OR51A7: variants seen among roughly 807,000 people sequenced by gnomAD.
OR51A7 encodes olfactory receptor 51A7.
For synonymous variants in OR51A7, 143 were observed against 135.5 expected, an observed-to-expected ratio of 1.05 and a Z score of -0.38; for missense variants, 409 against 374.5, an observed-to-expected ratio of 1.09 and a Z score of -0.76.
rs1228033147 is a variant in OR51A7, at chr11:4,907,820, A to G, written c.451A>G (p.Arg151Gly). The change falls in exon 2 of 2, where the codon AGG becomes GGG. Residue 151 changes from arginine to glycine, a missense_variant. Arg to Gly is a moderately radical substitution (Grantham distance 125). Transcript: ENST00000641490. ...TAAAATGGGACTTATTTTAGCCATT[A>G]GGAGCATTCTCTTAGTGATTCCATT... ...VAKMGLILAI[R>G]SILLVIPFPF... is the part of the protein sequence containing the mutation. The G allele has an allele frequency of 1.2e-6, 2 of 1,613,856 alleles. No individual in the cohort carries two copies. Among genetic ancestry groups the G allele is most frequent in the Admixed American group, 3.3e-5 (2 of 60,018 alleles).
In OR51A7 at chr11:4,907,430, G is replaced by T; in HGVS notation, c.61G>T (p.Glu21Ter). ...LFLLIGIPGLEHAHIWFSIPI... is the reference protein window; with the variant it reads ...LFLLIGIPGL ...CCTTCTGATTGGGATCCCAGGACTG[G>T]AACATGCCCACATTTGGTTCTCCAT... The change falls in exon 2 of 2, where the codon GAA becomes TAA. Residue 21 changes from glutamate (E) to a stop codon, truncating the protein, a stop_gained. Transcript: ENST00000641490. LOFTEE classifies it low-confidence loss of function (END_TRUNC). 3.7e-6 allele frequency: 6 copies of T among 1,613,862 alleles called. No homozygotes were observed. Among genetic ancestry groups the T allele is most frequent in the Non-Finnish European group, 5.1e-6 (6 of 1,179,978 alleles).
chr11:4,906,824 C>G (rs1188661454), intron 1 of OR51A7, among the ~76,000 whole-genome samples: 1 of 152,116 alleles, frequency 6.6e-6, no homozygotes, highest in African/African-American at 2.4e-5. Flanking sequence ...GATGCAGTGG[C>G]TCACACCTGT....
At position 4,908,334 on chromosome 11, in the gene OR51A7, T is replaced by C; in HGVS notation, c.*26T>C. ...GAACTTGAACAATTAGGTAATAAAT[T>C]ATCAACCAGTAGGCATTTACTGTCA... On this transcript the variant is annotated 3_prime_UTR_variant, in exon 2 of 2. Transcript: ENST00000641490. 1 of 1,580,138 alleles carries C rather than the reference T, an allele frequency of 6.3e-7. No homozygotes were observed. The highest frequency in any genetic ancestry group is 8.7e-7 in the Non-Finnish European group (1 of 1,149,964).
At position 4,907,421 on chromosome 11, in the gene OR51A7, C is replaced by G. The variant is rs1833628952; in HGVS notation, c.52C>G (p.Pro18Ala). ...CAAGCTTTTCCTTCTGATTGGGATC[C>G]CAGGACTGGAACATGCCCACATTTG... is the stretch of plus-strand genomic sequence containing the variant. Reference protein sequence around the residue: ...EVKLFLLIGIPGLEHAHIWFS... With the variant: ...EVKLFLLIGIAGLEHAHIWFS... The change falls in exon 2 of 2, where the codon CCA becomes GCA. Residue 18 changes from proline to alanine, a missense_variant. Transcript: ENST00000641490. 6.2e-7 allele frequency: 1 copy of G among 1,613,778 alleles called. No homozygotes were observed. The highest frequency in any genetic ancestry group is 8.5e-7 in the Non-Finnish European group (1 of 1,179,962).
chr11:4,908,079 TA>T lies in OR51A7; in HGVS notation c.713del (p.Asn238IlefsTer35). The T allele has an allele frequency of 6.2e-7, 1 of 1,614,246 alleles. No individual in the cohort carries two copies. The highest frequency in any genetic ancestry group is 8.5e-7 in the Non-Finnish European group (1 of 1,180,034). ...TCTTTGGCAGAGAGGCTTAAGGCCCTAAATACCTGTGTCTCCCACATCTGTG... is the reference window on the plus strand; with the variant it reads ...TCTTTGGCAGAGAGGCTTAAGGCCCTAATACCTGTGTCTCCCACATCTGTG... ...IASLAERLKA[L>X]NTCVSHICAV... On this transcript the variant is annotated frameshift_variant, in exon 2 of 2. Transcript: ENST00000641490. LOFTEE classifies it low-confidence loss of function (END_TRUNC).
At chr11:4,905,356 T>C (rs1850867499) in intron 1 of OR51A7, among the ~76,000 whole-genome samples, 1 of 152,140 alleles carries the variant, frequency 6.6e-6, no homozygotes, top group Non-Finnish European at 1.5e-5. Flanking sequence ...TGCCAAAATG[T>C]CTCTTAGTAC....
Position 4,908,674 on chromosome 11 carries a change from C to G in OR51A7, c.*366C>G, listed in dbSNP as rs776605539. Reference sequence around the variant, plus strand: ...TATACAAAGTCTAATCTCATACTGTCAAGGAAAGGTAAAATAGCTATGAAG... The same window carrying G: ...TATACAAAGTCTAATCTCATACTGTGAAGGAAAGGTAAAATAGCTATGAAG... On this transcript the variant is annotated 3_prime_UTR_variant, in exon 2 of 2. Coordinates refer to ENST00000641490, the MANE Select transcript of OR51A7 (RefSeq NM_001004749.2). 39 of 289,380 alleles carry G rather than the reference C, an allele frequency of 1.3e-4. No individual in the cohort carries two copies. The highest frequency in any genetic ancestry group is 2.4e-4 in the Non-Finnish European group (36 of 151,054). The allele number at this position is 289,380 out of a possible 1,614,324, so 17.9% of individuals were successfully genotyped here. A position where few individuals can be genotyped will look rare whatever the true frequency, so the allele number is the denominator to read the frequency against.
intron 1 of OR51A7, among the ~76,000 whole-genome samples, chr11:4,905,633 T>G (rs1240099143): frequency 6.6e-6 from 1 of 152,100 alleles, no homozygotes; most frequent in Non-Finnish European, 1.5e-5. Context: ...CTTCATCTTT[T>G]GTATTTTTGT....
chr11:4,908,309 G>A lies in OR51A7; in HGVS notation c.*1G>A. 6.2e-7 allele frequency: 1 copy of A among 1,611,996 alleles called. No individual in the cohort carries two copies. Among genetic ancestry groups the A allele is most frequent in the South Asian group, 1.1e-5 (1 of 91,042 alleles). ...GTTGCTTAATGTATGTGGGAGATAAGAACTTGAACAATTAGGTAATAAATT... is the reference window on the plus strand; with the variant it reads ...GTTGCTTAATGTATGTGGGAGATAAAAACTTGAACAATTAGGTAATAAATT... On this transcript the variant is annotated 3_prime_UTR_variant, in exon 2 of 2. Coordinates refer to ENST00000641490, the MANE Select transcript of OR51A7 (RefSeq NM_001004749.2).
chr11:4,906,394 C>G (rs747534320), intron 1 of OR51A7, among the ~76,000 whole-genome samples: 1 of 152,074 alleles, frequency 6.6e-6, no homozygotes, highest in Non-Finnish European at 1.5e-5. Context: ...AAATAACGCC[C>G]AAATAAGTTA....
chr11:4,907,643 A>G lies in OR51A7; in HGVS notation c.274A>G (p.Ile92Val). ...GGTCTTCTTGTTCAATGCCATGGGA[A>G]TTTCACCTAATGCCTGCTTTGCTCA... is the stretch of plus-strand genomic sequence containing the variant. ...LRVFLFNAMG[I>V]SPNACFAQEF... The change falls in exon 2 of 2, where the codon ATT (isoleucine) becomes GTT (valine). Residue 92 changes from isoleucine to valine, a missense_variant. Physicochemically the swap from Ile to Val is conservative, Grantham distance 29. Coordinates refer to ENST00000641490, the MANE Select transcript of OR51A7 (RefSeq NM_001004749.2). 1 of 1,613,980 alleles carries G rather than the reference A, an allele frequency of 6.2e-7. No individual in the cohort carries two copies. The highest frequency in any genetic ancestry group is 1.1e-5 in the South Asian group (1 of 91,070).
At chr11:4,904,209 A>G (rs548234715) in intron 1 of OR51A7, among the ~76,000 whole-genome samples, 2 of 152,222 alleles carry the variant, frequency 1.3e-5, no homozygotes, top group East Asian at 3.9e-4. Context: ...ACTCTGAGGT[A>G]GATACCATTG....
intron 1 of OR51A7, among the ~76,000 whole-genome samples, chr11:4,905,057 C>A (rs907758354): frequency 3.9e-5 from 6 of 152,074 alleles, no homozygotes; most frequent in African/African-American, 1.4e-4. Flanking sequence ...GAGTCAATAT[C>A]CCTCAGCAAA....
chr11:4,903,906 T>G (rs1365229604), intron 1 of OR51A7, 62 bp downstream of exon 1: 2 of 152,068 alleles, frequency 1.3e-5, no homozygotes, highest in Non-Finnish European at 2.9e-5. Flanking sequence ...GTGGTTTCAG[T>G]GTGTGTGCAT....
Position 4,907,331 on chromosome 11 carries a change from G to A in OR51A7, c.-31-8G>A. The A allele has an allele frequency of 7.3e-7, 1 of 1,373,458 alleles. No homozygotes were observed. The highest frequency in any genetic ancestry group is 1.0e-6 in the Non-Finnish European group (1 of 977,500). 85.1% of individuals were successfully genotyped at this position (1,373,458 alleles called of 1,614,324 possible). A position where few individuals can be genotyped will look rare whatever the true frequency, so the allele number is the denominator to read the frequency against. On this transcript the variant is annotated splice_polypyrimidine_tract_variant and splice_region_variant and intron_variant, in intron 1 of 1. Coordinates refer to ENST00000641490, the MANE Select transcript of OR51A7 (RefSeq NM_001004749.2). Reference sequence around the variant, plus strand: ...AAGCATGACTGCTTTTCATTTATATGGTTTCAGATCCGGCTAACGAGCTCA... The same window carrying A: ...AAGCATGACTGCTTTTCATTTATATAGTTTCAGATCCGGCTAACGAGCTCA...
In OR51A7 at chr11:4,907,638, T is replaced by A. The variant is rs764752786; in HGVS notation, c.269T>A (p.Met90Lys). Residue 90 changes from methionine to lysine, a missense_variant, in exon 2 of 2, where the codon ATG becomes AAG. By Grantham distance (95) the Met-to-Lys change is moderately conservative. Transcript: ENST00000641490. The part of the protein sequence containing the change: ...TMLRVFLFNA[M>K]GISPNACFAQ... ...TTGAGGGTCTTCTTGTTCAATGCCA[T>A]GGGAATTTCACCTAATGCCTGCTTT... 1.2e-6 allele frequency: 2 copies of A among 1,614,054 alleles called. No homozygotes were observed. Among genetic ancestry groups the A allele is most frequent in the South Asian group, 2.2e-5 (2 of 91,074 alleles).
rs142232152 is a variant in OR51A7 at position 4,907,678 on chromosome 11, C to T, written c.309C>T (p.Phe103=). The T allele has an allele frequency of 6.2e-7, 1 of 1,613,908 alleles. No individual in the cohort carries two copies. Among genetic ancestry groups the T allele is most frequent in the East Asian group, 2.2e-5 (1 of 44,870 alleles). Residue 103 remains phenylalanine, a synonymous_variant, in exon 2 of 2, where the codon TTC becomes TTT. Coordinates refer to ENST00000641490, the MANE Select transcript of OR51A7 (RefSeq NM_001004749.2). ...SPNACFAQEF[F]IHGFTVMESS... is the part of the protein sequence containing the mutation. ...ATGCCTGCTTTGCTCAAGAATTCTT[C>T]ATTCATGGATTCACTGTCATGGAAT...
Position 4,907,972 on chromosome 11 carries a change from CA to C in OR51A7, c.604del (p.Ile202LeufsTer11). 1.2e-6 allele frequency: 2 copies of C among 1,614,144 alleles called. No individual in the cohort carries two copies. The highest frequency in any genetic ancestry group is 2.2e-5 in the South Asian group (2 of 91,082). On this transcript the variant is annotated frameshift_variant, in exon 2 of 2. Coordinates refer to ENST00000641490, the MANE Select transcript of OR51A7 (RefSeq NM_001004749.2). LOFTEE classifies it low-confidence loss of function (END_TRUNC). ...AGACCAATGTCATCTATGGCTTCTT[CA>C]TTGCTCTCTGTACTATGCTGGACTT... Reference protein sequence around the residue: ...NKTNVIYGFFIALCTMLDLAL... With the variant: ...NKTNVIYGFFXALCTMLDLAL...
In OR51A7 at chr11:4,907,351, A is replaced by G; in HGVS notation, c.-19A>G. On this transcript the variant is annotated 5_prime_UTR_variant, in exon 2 of 2. Coordinates refer to ENST00000641490, the MANE Select transcript of OR51A7 (RefSeq NM_001004749.2). ...TATATGGTTTCAGATCCGGCTAACG[A>G]GCTCATATCTCCCTCATTATGTCTG... is the stretch of plus-strand genomic sequence containing the variant. The G allele has an allele frequency of 2.5e-5, 36 of 1,441,236 alleles. No individual in the cohort carries two copies. The highest frequency in any genetic ancestry group is 3.3e-5 in the Non-Finnish European group (34 of 1,029,308). 89.3% of individuals were successfully genotyped at this position (1,441,236 alleles called of 1,614,324 possible).
Sources: allele counts gnomAD v4.1 joint callset (sites outside exome capture counted in the v4.1 genomes callset), GRCh38; gene constraint gnomAD v4.1.1; transcripts MANE v1.5; gene names NCBI Gene and HGNC (gene_info 2026-07-23, HGNC 2026-07-21).